The following NELL2 variants were observed in gnomAD, a reference collection of about 807,000 sequenced individuals.
NELL2 encodes the protein protein kinase C-binding protein NELL2.
A neutral mutation model predicts 109.6 loss-of-function variants in NELL2; 41 were observed. The ratio of observed to expected loss-of-function variants is 0.37; its 90% CI spans 0.29 to 0.49. The LOEUF is 0.49. NELL2 is among the 20% of genes least tolerant of loss of function. NELL2 has a pLI of 0.98. For synonymous variants in NELL2, 355 were observed against 344.7 expected (o/e 1.03, Z -0.33); for missense variants, 900 against 1,008.3 (o/e 0.89, Z 1.45).
chr12:44,726,871 AATT>A (rs1592408652), intron 9 of NELL2, among the ~76,000 whole-genome samples: 1 of 152,106 alleles, frequency 6.6e-6, no homozygotes, highest in Non-Finnish European at 1.5e-5. Flanking sequence ...GTAATATTAC[AATT>A]ATTATATAAA....
intron 13 of NELL2, among the ~76,000 whole-genome samples, chr12:44,637,315 C>G (rs1439178598): frequency 6.7e-6 from 1 of 150,368 alleles, no homozygotes; most frequent in East Asian, 2.0e-4. Context: ...CTCTTGAACC[C>G]TTTTACATAT....
At chr12:44,686,369 C>T (rs183961367) in intron 12 of NELL2, among the ~76,000 whole-genome samples, 8 of 152,252 alleles carry the variant, frequency 5.3e-5, no homozygotes, top group Non-Finnish European at 1.0e-4. Context: ...AATGTCCTCC[C>T]GTAGCTCGGA....
At chr12:44,622,458 T>A (rs1946094957) in intron 13 of NELL2, among the ~76,000 whole-genome samples, 1 of 152,144 alleles carries the variant, frequency 6.6e-6, no homozygotes, top group Admixed American at 6.6e-5. Flanking sequence ...GATCTATTCA[T>A]TTTTTAAAAA....
chr12:44,851,242 T>C (rs935717936), intron 2 of NELL2, among the ~76,000 whole-genome samples: 7 of 151,976 alleles, frequency 4.6e-5, no homozygotes, highest in Non-Finnish European at 1.0e-4. Flanking sequence ...GGGTTAGTCT[T>C]CCAAACTCAC....
rs1047340714 is a variant in NELL2, at chr12:44,637,110, A to T, written c.1445-26140T>A. 2.0e-5 allele frequency among the ~76,000 whole-genome samples: 3 copies of T among 151,666 alleles called. No homozygotes were observed. In the South Asian group the frequency reaches 6.2e-4, roughly 32 times the overall value. On this transcript the variant is annotated intron_variant, in intron 13 of 19. Coordinates refer to ENST00000429094, the MANE Select transcript of NELL2 (RefSeq NM_001145108.2). ...GATCAGTGGTGATATCCCCTTTATC[A>T]TTTTTTATTGTGTCTATTTGATTCT...
rs1302978950 is a variant in NELL2, at chr12:44,587,307, A to ATATTTT, written c.1663+19861_1663+19862insAAAATA. Among the ~76,000 whole-genome samples, 94 of 96,646 alleles carry ATATTTT rather than the reference A, an allele frequency of 9.7e-4. 1 individual carries two copies. Among genetic ancestry groups the ATATTTT allele is most frequent in the African/African-American group, 1.3e-3 (32 of 23,996 alleles). The allele number at this position is 96,646 out of a possible 152,430, so 63.4% of individuals were successfully genotyped here. On this transcript the variant is annotated intron_variant, in intron 15 of 19. Transcript: ENST00000429094. Reference sequence around the variant, plus strand: ...AAAATATATATATATATATATATATATTTTTTTTTAAATATGAAGTTATAT... The same window carrying ATATTTT: ...AAAATATATATATATATATATATATATATTTTTTTTTTTTTAAATATGAAGTTATAT...
rs527934461 is a variant in NELL2, at chr12:44,514,778, A to C, written c.2400+5227T>G. Among the ~76,000 whole-genome samples, 4 of 151,560 alleles carry C rather than the reference A, an allele frequency of 2.6e-5. No homozygotes were observed. The East Asian group carries it at 5.8e-4, about 22-fold the overall frequency. On this transcript the variant is annotated intron_variant, in intron 19 of 19. Transcript: ENST00000429094. ...TCTTCAAAAGACATAAAACTTATTA[A>C]AGCAAAAATAATAACATGGAACTGT...
chr12:44,866,668 A>G (rs940814241), intron 2 of NELL2, among the ~76,000 whole-genome samples: 2 of 152,160 alleles, frequency 1.3e-5, no homozygotes, highest in African/African-American at 4.8e-5. Context: ...AATTAATAGA[A>G]AAAATAAATG....
At position 44,587,284 on chromosome 12, in the gene NELL2, A is replaced by AAAAATAT; in HGVS notation, c.1663+19884_1663+19885insATATTTT. Among the ~76,000 whole-genome samples, 9 of 72,218 alleles carry AAAAATAT rather than the reference A, an allele frequency of 1.2e-4. No individual in the cohort carries two copies. The East Asian group carries it at 1.7e-3, about 14-fold the overall frequency. 47.4% of individuals were successfully genotyped at this position (72,218 alleles called of 152,430 possible). A position where few individuals can be genotyped will look rare whatever the true frequency, so the allele number is the denominator to read the frequency against. On this transcript the variant is annotated intron_variant, in intron 15 of 19. Transcript: ENST00000429094. ...AAGACTCCGTCTCAAAAAAAAAAAA[A>AAAAATAT]ATATATATATATATATATATATATT...
At chr12:44,744,165 T>C (rs1322287374) in intron 9 of NELL2, among the ~76,000 whole-genome samples, 1 of 152,022 alleles carries the variant, frequency 6.6e-6, no homozygotes, top group Non-Finnish European at 1.5e-5. Flanking sequence ...ACCGCTCAAC[T>C]ACATGGAAAC....
At chr12:44,522,753 A>G (rs1941595645) in intron 17 of NELL2, 1 of 154,224 alleles carries the variant, frequency 6.5e-6, no homozygotes, top group South Asian at 2.0e-4. Context: ...AATATACACC[A>G]AATAAATATT....
chr12:44,815,772 C>A (rs975874690), intron 3 of NELL2: 4 of 429,036 alleles, frequency 9.3e-6, no homozygotes, highest in Non-Finnish European at 1.6e-5. Flanking sequence ...GCGCGCGCCA[C>A]CAAGCCCAGC....
intron 11 of NELL2, among the ~76,000 whole-genome samples, chr12:44,706,950 G>C (rs1415306310): frequency 6.6e-6 from 1 of 152,128 alleles, no homozygotes; most frequent in African/African-American, 2.4e-5. Flanking sequence ...AACTGGAAAA[G>C]AGGGGAGGAT....
At chr12:44,656,569 C>T (rs955223109) in intron 13 of NELL2, among the ~76,000 whole-genome samples, 4 of 152,184 alleles carry the variant, frequency 2.6e-5, no homozygotes, top group African/African-American at 7.2e-5. Flanking sequence ...TTGCAGTAAG[C>T]ATTTTACTAA....
chr12:44,652,593 TTCAATCATTAGGGAAAAA>T (rs989132719), intron 13 of NELL2, among the ~76,000 whole-genome samples: 5 of 152,226 alleles, frequency 3.3e-5, no homozygotes, highest in Admixed American at 2.0e-4. Flanking sequence ...ATGTATTTTC[TTCAATCATTAGGGAAAAA>T]TGGGAACTAA....
chr12:44,544,679 T>C (rs968848564), intron 15 of NELL2, among the ~76,000 whole-genome samples: 1 of 152,136 alleles, frequency 6.6e-6, no homozygotes, highest in Non-Finnish European at 1.5e-5. Context: ...TAAAAACATT[T>C]AGGAATCTCA....
At chr12:44,706,875 T>C (rs1047870861) in intron 11 of NELL2, among the ~76,000 whole-genome samples, 6 of 152,186 alleles carry the variant, frequency 3.9e-5, no homozygotes, top group African/African-American at 1.4e-4. Flanking sequence ...CAAAATTACA[T>C]AAAGTTCTAT....
intron 15 of NELL2, among the ~76,000 whole-genome samples, chr12:44,597,783 G>A (rs1170339969): frequency 6.6e-6 from 1 of 152,132 alleles, no homozygotes; most frequent in Non-Finnish European, 1.5e-5. Context: ...AAAAGGTAAG[G>A]GAGGAAAGAC....
chr12:44,722,273 G>A (rs1292044583), intron 9 of NELL2, among the ~76,000 whole-genome samples: 1 of 151,994 alleles, frequency 6.6e-6, no homozygotes, highest in Non-Finnish European at 1.5e-5. Flanking sequence ...GGGCTCAAGT[G>A]ATCCACCTCA....
Sources: allele counts gnomAD v4.1 joint callset (sites outside exome capture counted in the v4.1 genomes callset), GRCh38; gene constraint gnomAD v4.1.1; transcripts MANE v1.5; gene names NCBI Gene and HGNC (gene_info 2026-07-23, HGNC 2026-07-21).